Variants in DCDC2C observed in about 807,000 individuals in gnomAD.
The protein encoded by DCDC2C is doublecortin domain containing 2C, also known as doublecortin domain-containing protein 2C.
DCDC2C carries 44 observed loss-of-function variants against 45.0 expected under a neutral mutation model. That is an observed-to-expected ratio of 0.98 (90% CI 0.77 to 1.26). The LOEUF is 1.26. Among genes scored for constraint, DCDC2C ranks in the 50% most tolerant of loss-of-function variants. The pLI is 0.00. For missense variants in DCDC2C, 447 were observed against 468.9 expected (o/e 0.95, Z 0.43); for synonymous variants, 187 against 178.8 (o/e 1.05, Z -0.37).
rs1488712458 is a variant in DCDC2C at position 3,761,247 on chromosome 2, T to C, written c.727-6507T>C. ...GCTTCTGTGAAAAATCAGTAAATAG[T>C]TAATAAGCATTGTATTTATATCACA... is the stretch of plus-strand genomic sequence containing the variant. On this transcript the variant is annotated intron_variant, in intron 6 of 10. Transcript: ENST00000399143. The surrounding 1 kb of genome is among the most constrained non-coding windows in gnomAD (Gnocchi z 4.3). Among the ~76,000 whole-genome samples, 1 of 152,234 alleles carries C rather than the reference T, an allele frequency of 6.6e-6. No individual in the cohort carries two copies. The highest frequency in any genetic ancestry group is 1.5e-5 in the Non-Finnish European group (1 of 68,030).
chr2:3,834,505 T>C (rs1381413227), intron 10 of DCDC2C, among the ~76,000 whole-genome samples: 1 of 152,206 alleles, frequency 6.6e-6, no homozygotes, highest in Non-Finnish European at 1.5e-5. Flanking sequence ...CCAGACATCT[T>C]TCTGCTCCAC....
At chr2:3,728,894 C>T (rs867868001) in intron 3 of DCDC2C, among the ~76,000 whole-genome samples, 7 of 152,186 alleles carry the variant, frequency 4.6e-5, no homozygotes, top group South Asian at 2.1e-4. Context: ...ATGGGGTCAC[C>T]GGGGGATTGA....
chr2:3,737,622 A>G (rs1440091086), intron 3 of DCDC2C, among the ~76,000 whole-genome samples: 1 of 152,084 alleles, frequency 6.6e-6, no homozygotes, highest in African/African-American at 2.4e-5. Flanking sequence ...TGTGGCCTCC[A>G]TGTGGCCTGG....
chr2:3,796,978 G>A (rs1347462912), intron 10 of DCDC2C, among the ~76,000 whole-genome samples: 4 of 152,122 alleles, frequency 2.6e-5, no homozygotes, highest in Non-Finnish European at 4.4e-5. Context: ...GGTAGAATTC[G>A]GCTATGAATC....
chr2:3,829,167 C>T (rs548725393), intron 10 of DCDC2C, among the ~76,000 whole-genome samples: 10 of 152,268 alleles, frequency 6.6e-5, no homozygotes, highest in South Asian at 2.1e-4. Flanking sequence ...GTGTGTGCAA[C>T]GCAACCGCTT....
At chr2:3,755,324 C>T (rs765682504) in intron 6 of DCDC2C, among the ~76,000 whole-genome samples, 28 of 147,564 alleles carry the variant, frequency 1.9e-4, no homozygotes, top group African/African-American at 5.6e-4. Flanking sequence ...TGTTTGCATA[C>T]GTGCACATGC....
At position 3,815,203 on chromosome 2, in the gene DCDC2C, C is replaced by T. The variant is rs1671523704; in HGVS notation, c.1065+30103C>T. ...GGGATCTTCTGATCTGAGGGTTGCA[C>T]AGTTCCATGGAAAAAGCACGGTTTC... On this transcript the variant is annotated intron_variant, in intron 10 of 10. Transcript: ENST00000399143. 2.0e-5 allele frequency among the ~76,000 whole-genome samples: 3 copies of T among 152,236 alleles called. No individual in the cohort carries two copies. The South Asian group carries it at 6.2e-4, about 32-fold the overall frequency.
At chr2:3,816,676 C>T (rs1409967144) in intron 10 of DCDC2C, among the ~76,000 whole-genome samples, 1 of 152,162 alleles carries the variant, frequency 6.6e-6, no homozygotes, top group Non-Finnish European at 1.5e-5. Flanking sequence ...GGAGTGTGCC[C>T]TGTCAGCAAA....
intron 10 of DCDC2C, among the ~76,000 whole-genome samples, chr2:3,833,692 C>G (rs1466283263): frequency 1.3e-5 from 2 of 152,216 alleles, no homozygotes. Flanking sequence ...TAAAGCTTAT[C>G]CAGCCATGTA....
chr2:3,819,077 G>T (rs1671625272), intron 10 of DCDC2C, among the ~76,000 whole-genome samples: 1 of 152,196 alleles, frequency 6.6e-6, no homozygotes, highest in African/African-American at 2.4e-5. Flanking sequence ...TGATTAAGAA[G>T]GTGATGGACT....
At chr2:3,762,025 G>A (rs1669892239) in intron 6 of DCDC2C, among the ~76,000 whole-genome samples, 1 of 152,166 alleles carries the variant, frequency 6.6e-6, no homozygotes, top group Non-Finnish European at 1.5e-5. Flanking sequence ...TGTCCCCTTT[G>A]TAAATAGAGC....
chr2:3,790,271 G>A (rs1363199676), intron 10 of DCDC2C, among the ~76,000 whole-genome samples: 1 of 152,198 alleles, frequency 6.6e-6, no homozygotes, highest in Non-Finnish European at 1.5e-5. Flanking sequence ...AAACAGTGCA[G>A]CCTCTTTAAA....
intron 8 of DCDC2C, among the ~76,000 whole-genome samples, chr2:3,774,872 T>C (rs1670286690): frequency 6.6e-6 from 1 of 152,052 alleles, no homozygotes; most frequent in African/African-American, 2.4e-5. Context: ...TTCAAGCGAT[T>C]CTCCTGCCTC....
In DCDC2C at chr2:3,793,907, G is replaced by A. The variant is rs141353664; in HGVS notation, c.1065+8807G>A. The stretch of plus-strand genomic sequence containing the variant: ...CAGTCTTTCTATTTTTGCTTGTGAT[G>A]TATAAAAATCTCACATAAATATGTA... On this transcript the variant is annotated intron_variant, in intron 10 of 10. Transcript: ENST00000399143. Among the ~76,000 whole-genome samples the A allele has an allele frequency of 3.2e-3, 486 of 152,294 alleles. 6 individuals carry two copies. The highest frequency in any genetic ancestry group is 0.018 in the East Asian group (94 of 5,186).
chr2:3,827,811 T>C (rs1045131523), intron 10 of DCDC2C, among the ~76,000 whole-genome samples: 4 of 152,272 alleles, frequency 2.6e-5, no homozygotes, highest in South Asian at 2.1e-4. Flanking sequence ...GAAGTGCATT[T>C]GGGCCCCAGA....
chr2:3,787,197 A>T (rs1670679122), intron 10 of DCDC2C, among the ~76,000 whole-genome samples: 1 of 152,232 alleles, frequency 6.6e-6, no homozygotes, highest in Non-Finnish European at 1.5e-5. Context: ...TGGAGCATTT[A>T]TCACTTGTTT....
intron 10 of DCDC2C, among the ~76,000 whole-genome samples, chr2:3,787,028 C>G (rs1280148817): frequency 6.6e-6 from 1 of 152,156 alleles, no homozygotes; most frequent in African/African-American, 2.4e-5. Context: ...ACTCTTAACT[C>G]CCTTGTTGAA....
intron 4 of DCDC2C, among the ~76,000 whole-genome samples, chr2:3,746,421 G>A (rs944091395): frequency 3.3e-5 from 5 of 152,166 alleles, no homozygotes; most frequent in Non-Finnish European, 5.9e-5. Context: ...AAGGAATGAC[G>A]TTTAGTATGG....
intron 10 of DCDC2C, among the ~76,000 whole-genome samples, chr2:3,836,621 C>G (rs56791854): frequency 0.083 from 12,620 of 152,038 alleles, 778 homozygotes; most frequent in East Asian, 0.29. Flanking sequence ...CCAGCACTTT[C>G]GGAGGCCGAG....
Sources: allele counts gnomAD v4.1 joint callset (sites outside exome capture counted in the v4.1 genomes callset), GRCh38; gene constraint gnomAD v4.1.1; non-coding constraint Gnocchi (gnomAD v3.1); transcripts MANE v1.5; gene names NCBI Gene and HGNC (gene_info 2026-07-23, HGNC 2026-07-21).